The following YBX3 variants were observed in gnomAD, a reference collection of about 807,000 sequenced individuals.
The protein encoded by YBX3 is Y-box binding protein 3.
In YBX3, 29 loss-of-function variants were observed where a neutral mutation model predicts 42.4. That is an observed-to-expected ratio of 0.68 (90% confidence interval 0.51 to 0.93). YBX3 has a LOEUF of 0.93. Ranked by LOEUF, YBX3 falls within the 40% of genes least tolerant of loss-of-function variation. The probability of loss-of-function intolerance (pLI) is 0.00; values close to 1 mark genes in which losing one functional copy is unlikely to be tolerated. For missense variants in YBX3, 517 were observed against 527.5 expected, an observed-to-expected ratio of 0.98 and a Z score of 0.19; for synonymous variants, 195 against 189.8, an observed-to-expected ratio of 1.03 and a Z score of -0.22.
At position 10,699,388 on chromosome 12, in the gene YBX3, GAA is replaced by G. The variant is rs1284188468; in HGVS notation, c.*299_*300del. ...ATATTACCAAAACAGTAAAAACCAGGAAAAAAAATAGAAACCTAGCGGTTGCT... is the reference window on the plus strand; with the variant it reads ...ATATTACCAAAACAGTAAAAACCAGGAAAAAATAGAAACCTAGCGGTTGCT... On this transcript the variant is annotated 3_prime_UTR_variant, in exon 10 of 10. Coordinates refer to ENST00000228251, the MANE Select transcript of YBX3 (RefSeq NM_003651.5). 3 of 152,096 alleles carry G rather than the reference GAA, an allele frequency of 2.0e-5. No homozygotes were observed. The highest frequency in any genetic ancestry group is 6.6e-5 in the Admixed American group (1 of 15,238). The allele number at this position is 152,096 out of a possible 1,614,324, so 9.4% of individuals were successfully genotyped here.
intron 1 of YBX3, chr12:10,721,969 T>C (rs1591585840): frequency 6.6e-6 from 1 of 152,312 alleles, no homozygotes; most frequent in Non-Finnish European, 1.5e-5. Flanking sequence ...AGAAACCCTT[T>C]CCATCCACTG....
chr12:10,700,428 A>G lies in YBX3; in HGVS notation c.*35-774T>C, dbSNP rs1271008748. On this transcript the variant is annotated intron_variant, in intron 9 of 9. Coordinates refer to ENST00000228251, the MANE Select transcript of YBX3 (RefSeq NM_003651.5). Reference sequence around the variant, plus strand: ...GGAAAGGGTGATAACCAAGAAGTATAAGAACTAAAGTCTCAGTTAAAAGGG... The same window carrying G: ...GGAAAGGGTGATAACCAAGAAGTATGAGAACTAAAGTCTCAGTTAAAAGGG... Among the ~76,000 whole-genome samples, 6 of 152,204 alleles carry G rather than the reference A, an allele frequency of 3.9e-5. No homozygotes were observed. In the East Asian group the frequency reaches 1.2e-3, roughly 29 times the overall value.
At chr12:10,701,907 C>A in intron 8 of YBX3, 53 bp downstream of exon 8, 1 of 1,548,682 alleles carries the variant, frequency 6.5e-7, no homozygotes, top group South Asian at 1.2e-5. Context: ...ATGCTAAAGT[C>A]TGACATGATT....
rs929280330 is a variant in YBX3 at position 10,710,002 on chromosome 12, C to T, written c.686G>A (p.Arg229His). Reference sequence around the variant, plus strand: ...GAACCGCCGCTGCCGGTACTGAGGGCGATACTGGGGGCGGCGCAGCTGATT... The same window carrying T: ...GAACCGCCGCTGCCGGTACTGAGGGTGATACTGGGGGCGGCGCAGCTGATT... Reference protein sequence around the residue: ...ARNQLRRPQYRPQYRQRRFPP... With the variant: ...ARNQLRRPQYHPQYRQRRFPP... The change falls in exon 6 of 10, where the codon CGC becomes CAC. Residue 229 changes from arginine to histidine, a missense_variant. By Grantham distance (29) the Arg-to-His change is conservative. This residue lies in a region of YBX3 where 420 missense variants were observed against 408.5 expected (regional missense o/e 1.03). Transcript: ENST00000228251. 19 of 1,612,156 alleles carry T rather than the reference C, an allele frequency of 1.2e-5. No individual in the cohort carries two copies. The highest frequency in any genetic ancestry group is 4.4e-5 in the South Asian group (4 of 91,074).
chr12:10,716,020 T>A (rs1948258074), intron 3 of YBX3: 1 of 483,278 alleles, frequency 2.1e-6, no homozygotes, highest in Non-Finnish European at 3.8e-6. Context: ...AAACAGAACA[T>A]GTTTTTTCTA....
rs867838417 is a variant in YBX3 at position 10,723,249 on chromosome 12, G to A, written c.-138C>T. On this transcript the variant is annotated 5_prime_UTR_variant, in exon 1 of 10. Coordinates refer to ENST00000228251, the MANE Select transcript of YBX3 (RefSeq NM_003651.5). Reference sequence around the variant, plus strand: ...TCGCGGCGCAGGCGGCGGCGGCCGAGGTGGGGTCGCGCGGCGGAGGCGGCT... The same window carrying A: ...TCGCGGCGCAGGCGGCGGCGGCCGAAGTGGGGTCGCGCGGCGGAGGCGGCT... 6 of 1,161,276 alleles carry A rather than the reference G, an allele frequency of 5.2e-6. No homozygotes were observed. Among genetic ancestry groups the A allele is most frequent in the Non-Finnish European group, 6.4e-6 (6 of 940,886 alleles). 71.9% of individuals were successfully genotyped at this position (1,161,276 alleles called of 1,614,324 possible).
At chr12:10,709,863 G>A (rs760023584) in intron 6 of YBX3, 45 bp downstream of exon 6, 23 of 1,606,210 alleles carry the variant, frequency 1.4e-5, no homozygotes, top group Middle Eastern at 1.9e-4. Flanking sequence ...AGAGAAGGAC[G>A]GAAGGGTGAG....
rs139489938 is a variant in YBX3 at position 10,709,942 on chromosome 12, C to T, written c.746G>A (p.Arg249His). 8.1e-6 allele frequency: 13 copies of T among 1,614,154 alleles called. No individual in the cohort carries two copies. The highest frequency in any genetic ancestry group is 3.3e-5 in the Admixed American group (2 of 60,032). ...GTTGGGATGGGGTAAGACCCGTGAG[C>T]GACGGTCAAAGGTCTGTCCCACGTG... ...PYHVGQTFDR[R>H]SRVLPHPNRI... The change falls in exon 6 of 10, where the codon CGC becomes CAC. Residue 249 changes from arginine (R) to histidine (H), a missense_variant. Arg to His is a conservative substitution (Grantham distance 29). Transcript: ENST00000228251.
At chr12:10,703,800 A>ATTTT (rs1210785349) in intron 7 of YBX3, 4 of 428,120 alleles carry the variant, frequency 9.3e-6, no homozygotes, top group Non-Finnish European at 1.7e-5. Context: ...TTTTGATAAA[A>ATTTT]ATTAAGTATT....
intron 5 of YBX3, 48 bp downstream of exon 5, chr12:10,713,163 T>A (rs1172953824): frequency 6.3e-7 from 1 of 1,581,570 alleles, no homozygotes; most frequent in Non-Finnish European, 8.6e-7. Flanking sequence ...CTTAATTCCA[T>A]GCATGAACAA....
rs1948356551 is a variant in YBX3 at position 10,723,208 on chromosome 12, G to T, written c.-97C>A. Reference sequence around the variant, plus strand: ...GCGGCGGCCGGGGCTCGCTCTCGGGGAGGCCGGGGCGGATCTCGCGGCGCA... The same window carrying T: ...GCGGCGGCCGGGGCTCGCTCTCGGGTAGGCCGGGGCGGATCTCGCGGCGCA... On this transcript the variant is annotated 5_prime_UTR_variant, in exon 1 of 10. Transcript: ENST00000228251. The T allele has an allele frequency of 8.5e-7, 1 of 1,173,714 alleles. No homozygotes were observed. The highest frequency in any genetic ancestry group is 4.2e-5 in the South Asian group (1 of 23,860). The allele number at this position is 1,173,714 out of a possible 1,614,324, so 72.7% of individuals were successfully genotyped here.
At chr12:10,721,255 G>A (rs1213160123) in intron 1 of YBX3, among the ~76,000 whole-genome samples, 1 of 152,208 alleles carries the variant, frequency 6.6e-6, no homozygotes, top group Non-Finnish European at 1.5e-5. Context: ...AAAGGCATCA[G>A]ACTCATCACC....
intron 4 of YBX3, among the ~76,000 whole-genome samples, chr12:10,713,928 G>C (rs1015638010): frequency 6.6e-6 from 1 of 152,032 alleles, no homozygotes; most frequent in Admixed American, 6.6e-5. Context: ...TTCTCATATG[G>C]ACAAATGGAA....
Position 10,723,052 on chromosome 12 carries a change from C to G in YBX3, c.60G>C (p.Thr20=). 8.3e-7 allele frequency: 1 copy of G among 1,206,574 alleles called. No individual in the cohort carries two copies. The highest frequency in any genetic ancestry group is 1.0e-6 in the Non-Finnish European group (1 of 973,376). 74.7% of individuals were successfully genotyped at this position (1,206,574 alleles called of 1,614,324 possible). ...CCTGGGGAGCCGCGGCGGCCGCCTC[C>G]GTCGGAGCCTGCGGGAGGGTGGTGG... ...TTTTTLPQAP[T]EAAAAAPQDP... The change falls in exon 1 of 10, where the codon ACG becomes ACC. Residue 20 remains threonine (T), a synonymous_variant. Transcript: ENST00000228251.
At position 10,713,214 on chromosome 12, in the gene YBX3, C is replaced by A. The variant is rs1343296579; in HGVS notation, c.570G>T (p.Arg190=). The change falls in exon 5 of 10, where the codon CGG becomes CGT. Residue 190 remains arginine, a synonymous_variant. Transcript: ENST00000228251. ...TTAAGTAACAGAGACAACGTACATT[C>A]CGGGGAGGGCCACGGCGCCTTCCAT... The part of the protein sequence containing the change: ...GYYGRRRGPP[R]NYAGEEEEEG... The A allele has an allele frequency of 6.2e-7, 1 of 1,610,456 alleles. No homozygotes were observed. The highest frequency in any genetic ancestry group is 8.5e-7 in the Non-Finnish European group (1 of 1,179,026).
Position 10,704,100 on chromosome 12 carries a change from G to C in YBX3, c.829C>G (p.Leu277Val). The C allele has an allele frequency of 6.2e-7, 1 of 1,614,208 alleles. No individual in the cohort carries two copies. The highest frequency in any genetic ancestry group is 8.5e-7 in the Non-Finnish European group (1 of 1,180,040). ...GGATTTCGATGAACCGGTCCCTGAA[G>C]TTGTGCTCCCTCTGGGACTCCATCC... ...MKDGVPEGAQ[L>V]QGPVHRNPTY... Residue 277 changes from leucine to valine, a missense_variant, in exon 7 of 10, where the codon CTT becomes GTT. Leu to Val is a conservative substitution (Grantham distance 32, BLOSUM62 1). Coordinates refer to ENST00000228251, the MANE Select transcript of YBX3 (RefSeq NM_003651.5).
chr12:10,708,611 C>A (rs377734538), intron 6 of YBX3, among the ~76,000 whole-genome samples: 4 of 152,310 alleles, frequency 2.6e-5, no homozygotes, highest in Admixed American at 2.0e-4. Context: ...ACTTTTACTT[C>A]TGACATGGAA....
intron 7 of YBX3, chr12:10,703,680 G>C: frequency 3.0e-6 from 1 of 333,348 alleles, no homozygotes; most frequent in South Asian, 2.5e-5. Flanking sequence ...CCCCTCTACT[G>C]GACTGCCTCA....
chr12:10,710,509 G>T (rs1948188678), intron 5 of YBX3: 9 of 1,184,206 alleles, frequency 7.6e-6, no homozygotes, highest in Non-Finnish European at 9.5e-6. Flanking sequence ...AGCCAAAAAA[G>T]AATACATTTT....
Sources: gnomAD v4.1 joint callset for allele counts (sites outside exome capture counted in the v4.1 genomes callset) on GRCh38, gnomAD v4.1.1 for gene constraint, gnomAD v4.1.1 regional missense constraint, MANE v1.5 for transcripts, NCBI Gene and HGNC (gene_info 2026-07-23, HGNC 2026-07-21) for gene names.